Variants in CSRNP3 observed in about 807,000 individuals in gnomAD.
CSRNP3 encodes cysteine and serine rich nuclear protein 3.
A neutral mutation model predicts 48.0 loss-of-function variants in CSRNP3; 12 were observed. That is an observed-to-expected ratio of 0.25 (90% CI 0.16 to 0.41). The LOEUF is 0.41. Among genes scored for constraint, CSRNP3 ranks in the 10% least tolerant of loss-of-function variants. The probability of loss-of-function intolerance (pLI) is 1.00; values close to 1 mark genes in which losing one functional copy is unlikely to be tolerated. For synonymous variants in CSRNP3, 263 were observed against 269.7 expected, an observed-to-expected ratio of 0.98 and a Z score of 0.24; for missense variants, 580 against 724.4, an observed-to-expected ratio of 0.80 and a Z score of 2.29.
intron 3 of CSRNP3, among the ~76,000 whole-genome samples, chr2:165,542,268 T>C (rs1321074757): frequency 6.6e-6 from 1 of 152,120 alleles, no homozygotes; most frequent in Non-Finnish European, 1.5e-5. Flanking sequence ...ACCAGGCCTT[T>C]GAGAATTAGA....
In CSRNP3 at chr2:165,679,573, C is replaced by A. The variant is rs1687494943; in HGVS notation, c.1578C>A (p.His526Gln). The A allele has an allele frequency of 1.9e-6, 3 of 1,614,006 alleles. No individual in the cohort carries two copies. Among genetic ancestry groups the A allele is most frequent in the Non-Finnish European group, 2.5e-6 (3 of 1,179,986 alleles). The change falls in exon 7 of 7, where the codon CAC (histidine) becomes CAA (glutamine). Residue 526 changes from histidine (H) to glutamine (Q), a missense_variant. This residue lies in a region of CSRNP3 where 369 missense variants were observed against 380.8 expected (regional missense o/e 0.97). Transcript: ENST00000651982. ...TATATCCTGAACACAGGTCCAATCA[C>A]CCTCAAGTGGAATTTCACTCATACT... is the stretch of plus-strand genomic sequence containing the variant. Reference protein sequence around the residue: ...NSLYPEHRSNHPQVEFHSYLK... With the variant: ...NSLYPEHRSNQPQVEFHSYLK...
At chr2:165,533,185 A>G (rs934615529) in intron 3 of CSRNP3, among the ~76,000 whole-genome samples, 1 of 152,104 alleles carries the variant, frequency 6.6e-6, no homozygotes, top group Non-Finnish European at 1.5e-5. Context: ...TTAAATAGAA[A>G]TCATAAGTAT....
rs1346021975 is a variant in CSRNP3, at chr2:165,642,099, CACAA to C, written c.149-15658_149-15655del. Among the ~76,000 whole-genome samples, 919 of 122,920 alleles carry C rather than the reference CACAA, an allele frequency of 7.5e-3. 15 individuals are homozygous for C. The highest frequency in any genetic ancestry group is 0.031 in the African/African-American group (854 of 27,324). 80.6% of individuals were successfully genotyped at this position (122,920 alleles called of 152,430 possible). A position where few individuals can be genotyped will look rare whatever the true frequency, so the allele number is the denominator to read the frequency against. Reference sequence around the variant, plus strand: ...CCAGTAGTACCTGAGAATACACACACACAAACACACACACACACACACACACACA... The same window carrying C: ...CCAGTAGTACCTGAGAATACACACACACACACACACACACACACACACACA... On this transcript the variant is annotated intron_variant, in intron 4 of 6. Coordinates refer to ENST00000651982, the MANE Select transcript of CSRNP3 (RefSeq NM_001172173.2).
In CSRNP3 at chr2:165,683,464, C is replaced by G. The variant is rs1477250983; in HGVS notation, c.*3711C>G. 6.6e-6 allele frequency: 1 copy of G among 151,982 alleles called. No individual in the cohort carries two copies. The highest frequency in any genetic ancestry group is 1.9e-4 in the East Asian group (1 of 5,196). 9.4% of individuals were successfully genotyped at this position (151,982 alleles called of 1,614,324 possible). ...GCTATGTTCTTTAAAATTTTACATT[C>G]TAATAGATGACTTCTAGGCAAAATT... On this transcript the variant is annotated 3_prime_UTR_variant, in exon 7 of 7. Transcript: ENST00000651982.
intron 3 of CSRNP3, among the ~76,000 whole-genome samples, chr2:165,553,459 G>A (rs1685124131): frequency 6.6e-6 from 1 of 152,136 alleles, no homozygotes; most frequent in South Asian, 2.1e-4. Flanking sequence ...GTGCACAACT[G>A]TGCTAAGGTA....
At chr2:165,617,648 G>A (rs1008224797) in intron 4 of CSRNP3, among the ~76,000 whole-genome samples, 2 of 152,226 alleles carry the variant, frequency 1.3e-5, no homozygotes, top group Non-Finnish European at 2.9e-5. Flanking sequence ...CAACCCAGAA[G>A]GGCTGTATTT....
At chr2:165,542,067 A>C (rs1187013020) in intron 3 of CSRNP3, among the ~76,000 whole-genome samples, 1 of 152,146 alleles carries the variant, frequency 6.6e-6, no homozygotes, top group Non-Finnish European at 1.5e-5. Flanking sequence ...GAATCATTAG[A>C]ATTTTCAAAC....
Position 165,679,080 on chromosome 2 carries a change from A to C in CSRNP3, c.1085A>C (p.Gln362Pro), listed in dbSNP as rs145349967. Residue 362 changes from glutamine to proline, a missense_variant, in exon 7 of 7, where the codon CAA becomes CCA. Physicochemically the swap from Gln to Pro is moderately conservative, Grantham distance 76. Coordinates refer to ENST00000651982, the MANE Select transcript of CSRNP3 (RefSeq NM_001172173.2). ...FCSGVTDSST[Q>P]SLAPSESDEE... ...AGCGGAGTCACAGATTCTAGCACGCAAAGCTTGGCACCTAGTGAGTCAGAC... is the reference window on the plus strand; with the variant it reads ...AGCGGAGTCACAGATTCTAGCACGCCAAGCTTGGCACCTAGTGAGTCAGAC... The C allele has an allele frequency of 3.1e-6, 5 of 1,613,760 alleles. No individual in the cohort carries two copies. The highest frequency in any genetic ancestry group is 4.2e-6 in the Non-Finnish European group (5 of 1,179,848).
At chr2:165,562,173 AC>A (rs1685243247) in intron 3 of CSRNP3, among the ~76,000 whole-genome samples, 2 of 152,218 alleles carry the variant, frequency 1.3e-5, no homozygotes, top group Admixed American at 6.5e-5. Context: ...TCTACCTGTG[AC>A]TCCAAAGAGA....
At chr2:165,661,820 A>G (rs900894989) in intron 5 of CSRNP3, among the ~76,000 whole-genome samples, 1 of 152,168 alleles carries the variant, frequency 6.6e-6, no homozygotes. Flanking sequence ...GCATCTGACA[A>G]GAGAGACAGT....
intron 4 of CSRNP3, among the ~76,000 whole-genome samples, chr2:165,654,623 T>A (rs1289037506): frequency 2.0e-5 from 3 of 152,144 alleles, no homozygotes; most frequent in Non-Finnish European, 4.4e-5. Context: ...ATTTATTTTT[T>A]ATTTATTTAT....
chr2:165,626,224 GA>G (rs568394048), intron 4 of CSRNP3, among the ~76,000 whole-genome samples: 108 of 134,160 alleles, frequency 8.1e-4, no homozygotes, highest in Admixed American at 8.3e-4. Context: ...CTCCTTCTCA[GA>G]AAAAAAAAAA....
chr2:165,618,129 G>A (rs559020559), intron 4 of CSRNP3, among the ~76,000 whole-genome samples: 1 of 152,208 alleles, frequency 6.6e-6, no homozygotes, highest in Non-Finnish European at 1.5e-5. Flanking sequence ...CCTGTACTTG[G>A]CTAGGGCCTG....
At chr2:165,575,955 A>G (rs1242913193) in intron 3 of CSRNP3, among the ~76,000 whole-genome samples, 1 of 151,896 alleles carries the variant, frequency 6.6e-6, no homozygotes, top group Non-Finnish European at 1.5e-5. Flanking sequence ...TTTAGGTAAA[A>G]GGGTTATTTT....
intron 3 of CSRNP3, among the ~76,000 whole-genome samples, chr2:165,550,639 C>T (rs1685084475): frequency 6.6e-6 from 1 of 152,144 alleles, no homozygotes; most frequent in Non-Finnish European, 1.5e-5. Flanking sequence ...CCTTGTTTTC[C>T]AGAACACCAT....
intron 4 of CSRNP3, among the ~76,000 whole-genome samples, chr2:165,613,038 C>A (rs1350633815): frequency 6.6e-6 from 1 of 152,134 alleles, no homozygotes; most frequent in African/African-American, 2.4e-5. Context: ...TTCTTACCAA[C>A]AGTGTATTCG....
rs1246185869 is a variant in CSRNP3, at chr2:165,521,853, C to T, written c.-24+3892C>T. 2.6e-5 allele frequency among the ~76,000 whole-genome samples: 4 copies of T among 152,180 alleles called. No homozygotes were observed. The South Asian group carries it at 6.2e-4, about 24-fold the overall frequency. ...AACAAAAATGTCTTCAGGCATTGAC[C>T]GATGTCCCCTCAGAGCAAAATTAGC... On this transcript the variant is annotated intron_variant, in intron 3 of 6. Coordinates refer to ENST00000651982, the MANE Select transcript of CSRNP3 (RefSeq NM_001172173.2).
chr2:165,546,552 A>G (rs1444096340), intron 3 of CSRNP3, among the ~76,000 whole-genome samples: 1 of 152,110 alleles, frequency 6.6e-6, no homozygotes, highest in Non-Finnish European at 1.5e-5. Context: ...TCAATGCTGT[A>G]TTTTCTCCGA....
chr2:165,603,185 G>A (rs1220214028), intron 4 of CSRNP3, among the ~76,000 whole-genome samples: 2 of 152,116 alleles, frequency 1.3e-5, no homozygotes, highest in African/African-American at 2.4e-5. Context: ...GTGAGCCACC[G>A]CGCCCGGCCT....
Sources: allele counts gnomAD v4.1 joint callset (sites outside exome capture counted in the v4.1 genomes callset), GRCh38; gene constraint gnomAD v4.1.1; regional missense constraint gnomAD v4.1.1; transcripts MANE v1.5; gene names NCBI Gene and HGNC (gene_info 2026-07-23, HGNC 2026-07-21).